Variants in CCDC63 observed in about 807,000 individuals in gnomAD.
CCDC63 encodes the protein coiled-coil domain-containing protein 63.
In CCDC63, 54 loss-of-function variants were observed where a neutral mutation model predicts 63.6. That is an observed-to-expected ratio of 0.85 (90% CI 0.68 to 1.07). The LOEUF is 1.07. Among genes scored for constraint, CCDC63 ranks in the 50% least tolerant of loss-of-function variants. The pLI, the probability that CCDC63 is intolerant of heterozygous loss-of-function variation, is 0.00. For synonymous variants in CCDC63, 253 were observed against 266.1 expected (o/e 0.95, Z 0.48); for missense variants, 637 against 689.6 (o/e 0.92, Z 0.86).
In CCDC63 at chr12:110,847,929, A is replaced by T. The variant is rs577528761; in HGVS notation, c.-97+824A>T. On this transcript the variant is annotated intron_variant, in intron 1 of 11. Coordinates refer to ENST00000308208, the MANE Select transcript of CCDC63 (RefSeq NM_152591.3). ...AGGAAACTTCATTCATTCAAACTGT[A>T]TTTGCCAAGAGCTGCCCATGCGCCC... 2.0e-5 allele frequency among the ~76,000 whole-genome samples: 3 copies of T among 152,346 alleles called. 1 individual carries two copies. In the South Asian group the frequency reaches 6.2e-4, roughly 32 times the overall value.
intron 3 of CCDC63, among the ~76,000 whole-genome samples, chr12:110,854,481 G>A (rs1477639824): frequency 6.6e-6 from 1 of 151,610 alleles, no homozygotes; most frequent in Non-Finnish European, 1.5e-5. Flanking sequence ...TTTTAGTAGA[G>A]GCAAGATTTC....
intron 7 of CCDC63, among the ~76,000 whole-genome samples, chr12:110,883,615 TG>T (rs984239223): frequency 1.3e-4 from 20 of 152,008 alleles, no homozygotes; most frequent in African/African-American, 2.9e-4. Flanking sequence ...TTTTTTTGTT[TG>T]TTTGTTTGTT....
chr12:110,867,264 G>T (rs2070973187), intron 4 of CCDC63, among the ~76,000 whole-genome samples: 1 of 112,892 alleles, frequency 8.9e-6, no homozygotes, highest in African/African-American at 3.5e-5. Flanking sequence ...CGGCTGGCCG[G>T]GCAGAGGGGC....
intron 4 of CCDC63, among the ~76,000 whole-genome samples, chr12:110,867,846 C>T (rs79224084): frequency 0.066 from 9,923 of 150,196 alleles, 158 homozygotes; most frequent in East Asian, 0.14. Context: ...GCGCCCCTCA[C>T]CTCCCGGACG....
At chr12:110,882,161 C>T (rs551790755) in intron 7 of CCDC63, among the ~76,000 whole-genome samples, 12 of 152,314 alleles carry the variant, frequency 7.9e-5, no homozygotes, top group African/African-American at 2.6e-4. Context: ...CTTCCAAGTA[C>T]AGTCACACTG....
intron 4 of CCDC63, among the ~76,000 whole-genome samples, chr12:110,871,688 G>T (rs1214464676): frequency 1.2e-4 from 18 of 151,708 alleles, no homozygotes; most frequent in Non-Finnish European, 2.1e-4. Context: ...TAAGGATACA[G>T]CTCAATGAAC....
In CCDC63 at chr12:110,884,024, TCCTA is replaced by T. The variant is rs2071243684; in HGVS notation, c.854-5_854-2del. ...GTGTCACAGTGGCTGATTTTTCCTTTCCTAGCTCTCAAGGCAAAGAAGCATGTCA... is the reference window on the plus strand; with the variant it reads ...GTGTCACAGTGGCTGATTTTTCCTTTGCTCTCAAGGCAAAGAAGCATGTCA... On this transcript the variant is annotated splice_acceptor_variant and splice_polypyrimidine_tract_variant and intron_variant, in intron 7 of 11. Coordinates refer to ENST00000308208, the MANE Select transcript of CCDC63 (RefSeq NM_152591.3). LOFTEE classifies it high-confidence loss of function. 3 of 1,612,496 alleles carry T rather than the reference TCCTA, an allele frequency of 1.9e-6. No individual in the cohort carries two copies. The highest frequency in any genetic ancestry group is 2.5e-6 in the Non-Finnish European group (3 of 1,178,814).
At chr12:110,881,656 A>G (rs772761259) in intron 7 of CCDC63, among the ~76,000 whole-genome samples, 44 of 152,236 alleles carry the variant, frequency 2.9e-4, no homozygotes, top group Non-Finnish European at 6.2e-4. Context: ...CAGGAGGCAG[A>G]GGTTGCAATG....
chr12:110,890,773 C>CTTTT (rs769120162), intron 8 of CCDC63, among the ~76,000 whole-genome samples: 75 of 98,400 alleles, frequency 7.6e-4, no homozygotes, highest in African/African-American at 1.2e-3. Flanking sequence ...TCCTCCTTTT[C>CTTTT]TTTTTTTTTT....
At chr12:110,887,421 C>T (rs144173250) in intron 8 of CCDC63, among the ~76,000 whole-genome samples, 227 of 151,944 alleles carry the variant, frequency 1.5e-3, no homozygotes, top group South Asian at 2.1e-3. Flanking sequence ...CCACCACGCC[C>T]GGTGGTGGCT....
At chr12:110,891,685 C>T (rs1220173773) in intron 8 of CCDC63, among the ~76,000 whole-genome samples, 1 of 148,564 alleles carries the variant, frequency 6.7e-6, no homozygotes, top group Non-Finnish European at 1.5e-5. Flanking sequence ...TTCCCCAGAA[C>T]CCCTCCCATA....
intron 5 of CCDC63, among the ~76,000 whole-genome samples, chr12:110,874,441 A>G (rs1419302119): frequency 6.6e-6 from 1 of 152,226 alleles, no homozygotes; most frequent in Admixed American, 6.5e-5. Context: ...TGCATTAAGC[A>G]GGGTTCCTTA....
upstream of CCDC63, among the ~76,000 whole-genome samples, chr12:110,846,256 AC>A (rs1566111164): frequency 6.6e-6 from 1 of 152,204 alleles, no homozygotes; most frequent in African/African-American, 2.4e-5. Context: ...GAAAACAGGT[AC>A]CCCCAATAAT....
At chr12:110,886,277 T>C (rs556304160) in intron 8 of CCDC63, among the ~76,000 whole-genome samples, 2 of 152,172 alleles carry the variant, frequency 1.3e-5, no homozygotes, top group African/African-American at 2.4e-5. Context: ...ATCCCACTAC[T>C]TGGGAGACTG....
At chr12:110,884,305 T>C (rs2071250578) in intron 8 of CCDC63, 55 bp downstream of exon 8, 2 of 1,416,002 alleles carry the variant, frequency 1.4e-6, no homozygotes, top group Admixed American at 3.4e-5. Flanking sequence ...CAGCAGCCTT[T>C]CCAGGGCAGT....
chr12:110,886,789 G>A (rs2071286525), intron 8 of CCDC63, among the ~76,000 whole-genome samples: 1 of 152,154 alleles, frequency 6.6e-6, no homozygotes, highest in Non-Finnish European at 1.5e-5. Flanking sequence ...ACCCGGGGGT[G>A]GGGAAGACAG....
chr12:110,865,758 T>A (rs1472631260), intron 4 of CCDC63, among the ~76,000 whole-genome samples: 2 of 152,192 alleles, frequency 1.3e-5, no homozygotes, highest in Non-Finnish European at 2.9e-5. Flanking sequence ...GGACAGTGAG[T>A]TTTAAGAGGA....
chr12:110,889,819 A>AGT lies in CCDC63; in HGVS notation c.1075-3257_1075-3256insGT. Among the ~76,000 whole-genome samples the AGT allele has an allele frequency of 6.6e-6, 1 of 151,450 alleles. No homozygotes were observed. Among genetic ancestry groups the AGT allele is most frequent in the South Asian group, 2.1e-4 (1 of 4,790 alleles). ...TTCATCTTTTTGGTAGAGATCCCCC[A>AGT]CCCCACCCCTGCCCTGTAAAGATCG... On this transcript the variant is annotated intron_variant, in intron 8 of 11. Transcript: ENST00000308208. This position sits in a 1 kb window ranked among gnomAD's most constrained non-coding sequence, Gnocchi z 4.1.
At chr12:110,897,237 C>A (rs1477112991) in intron 9 of CCDC63, among the ~76,000 whole-genome samples, 1 of 150,204 alleles carries the variant, frequency 6.7e-6, no homozygotes, top group Admixed American at 6.6e-5. Flanking sequence ...GAGTTTGAGA[C>A]CAGCTTGGGC....
Sources: gnomAD v4.1 joint callset for allele counts (sites outside exome capture counted in the v4.1 genomes callset) on GRCh38, gnomAD v4.1.1 for gene constraint, Gnocchi (gnomAD v3.1) non-coding constraint, MANE v1.5 for transcripts, NCBI Gene and HGNC (gene_info 2026-07-23, HGNC 2026-07-21) for gene names.